Variants in GRM5 observed in about 807,000 individuals in gnomAD.
The protein encoded by GRM5 is metabotropic glutamate receptor 5.
GRM5 carries 19 observed loss-of-function variants against 83.1 expected under a neutral mutation model. That is an observed-to-expected ratio of 0.23 (90% CI 0.16 to 0.34). The LOEUF is 0.34. Ranked by LOEUF, GRM5 falls within the 10% of genes least tolerant of loss-of-function variation. GRM5 has a pLI of 1.00. For missense variants in GRM5, 1,160 were observed against 1,588.3 expected (o/e 0.73, Z 4.58); for synonymous variants, 675 against 633.6 (o/e 1.07, Z -0.98).
Position 88,882,560 on chromosome 11 carries a change from CA to C in GRM5, c.662-32406del, listed in dbSNP as rs35899523. On this transcript the variant is annotated intron_variant, in intron 2 of 9. Coordinates refer to ENST00000305447, the MANE Select transcript of GRM5 (RefSeq NM_001143831.3). ...TGGGCAAAAGAGCGAGACTCTGTCT[CA>C]AAAAAAAAAAAAAGAATTGATAGAA... 7.8e-3 allele frequency among the ~76,000 whole-genome samples: 958 copies of C among 123,100 alleles called. 16 individuals are homozygous for C. The East Asian group carries it at 0.089, about 11-fold the overall frequency. 80.8% of individuals were successfully genotyped at this position (123,100 alleles called of 152,430 possible).
At chr11:88,556,615 A>G (rs1050473561) in intron 8 of GRM5, among the ~76,000 whole-genome samples, 1 of 152,044 alleles carries the variant, frequency 6.6e-6, no homozygotes, top group African/African-American at 2.4e-5. Context: ...GCCACCATGC[A>G]TGGCCCTGTG....
intron 3 of GRM5, among the ~76,000 whole-genome samples, chr11:88,836,182 A>C (rs763852919): frequency 6.6e-6 from 1 of 152,254 alleles, no homozygotes; most frequent in Non-Finnish European, 1.5e-5. Flanking sequence ...TCTCCTGTAA[A>C]GGGTCAGATA....
At chr11:88,531,607 A>C (rs150769) in intron 8 of GRM5, among the ~76,000 whole-genome samples, 1 of 152,008 alleles carries the variant, frequency 6.6e-6, no homozygotes, top group Admixed American at 6.5e-5. Context: ...TTCTCATAGA[A>C]ATTGCAGACT....
intron 3 of GRM5, among the ~76,000 whole-genome samples, chr11:88,708,857 A>G (rs10831302): frequency 0.018 from 2,700 of 152,182 alleles, 67 homozygotes; most frequent in East Asian, 0.098. Context: ...TAATTGGAAA[A>G]AAATTCCTAG....
At chr11:88,703,751 T>G (rs746524739) in intron 3 of GRM5, among the ~76,000 whole-genome samples, 3 of 152,070 alleles carry the variant, frequency 2.0e-5, no homozygotes, top group Non-Finnish European at 4.4e-5. Flanking sequence ...AGGATCAAAC[T>G]ATAATCATTA....
At chr11:88,529,389 A>C (rs927451575) in intron 8 of GRM5, among the ~76,000 whole-genome samples, 1 of 151,470 alleles carries the variant, frequency 6.6e-6, no homozygotes, top group African/African-American at 2.4e-5. Flanking sequence ...GATACGTAAG[A>C]CAAATCTGAA....
chr11:88,970,792 C>T (rs1435229202), intron 2 of GRM5, among the ~76,000 whole-genome samples: 3 of 152,230 alleles, frequency 2.0e-5, no homozygotes, highest in Middle Eastern at 3.4e-3. Context: ...AATATGTAGG[C>T]AGTGGGAAGT....
chr11:88,600,786 A>G (rs1937965122), intron 5 of GRM5, among the ~76,000 whole-genome samples: 1 of 152,218 alleles, frequency 6.6e-6, no homozygotes, highest in Non-Finnish European at 1.5e-5. Flanking sequence ...AGAAGACTGA[A>G]GAGTATTACT....
chr11:88,751,056 C>G (rs550358813), intron 3 of GRM5, among the ~76,000 whole-genome samples: 1 of 63,216 alleles, frequency 1.6e-5, no homozygotes, highest in African/African-American at 5.4e-5. Flanking sequence ...AAACAAACCC[C>G]AAAGATAGCA....
At chr11:88,650,334 T>C (rs139342439) in intron 4 of GRM5, among the ~76,000 whole-genome samples, 47 of 152,050 alleles carry the variant, frequency 3.1e-4, no homozygotes, top group Admixed American at 8.5e-4. Context: ...GTCCATACTA[T>C]ATGAGGAATT....
At chr11:88,536,283 C>A (rs534648847) in intron 8 of GRM5, among the ~76,000 whole-genome samples, 124 of 152,202 alleles carry the variant, frequency 8.1e-4, no homozygotes, top group African/African-American at 2.8e-3. Flanking sequence ...GTCACACACA[C>A]AAAAAAGAAA....
At chr11:88,634,784 A>T (rs1466124905) in intron 4 of GRM5, among the ~76,000 whole-genome samples, 1 of 152,196 alleles carries the variant, frequency 6.6e-6, no homozygotes, top group Non-Finnish European at 1.5e-5. Flanking sequence ...ATTATGTTGT[A>T]TACATAATTG....
intron 1 of GRM5, among the ~76,000 whole-genome samples, chr11:89,063,836 G>A (rs777773887): frequency 3.9e-5 from 6 of 152,210 alleles, no homozygotes; most frequent in Non-Finnish European, 5.9e-5. Context: ...GAATCTGGAT[G>A]GGTAGACCAG....
intron 2 of GRM5, among the ~76,000 whole-genome samples, chr11:89,032,332 A>AAT (rs1491417661): frequency 1.3e-5 from 2 of 152,030 alleles, no homozygotes; most frequent in African/African-American, 2.4e-5. Context: ...AAAAGCATAT[A>AAT]ATATATATAC....
intron 2 of GRM5, among the ~76,000 whole-genome samples, chr11:88,864,577 A>T (rs1944627084): frequency 6.6e-6 from 1 of 151,994 alleles, no homozygotes; most frequent in South Asian, 2.1e-4. Flanking sequence ...TTGGGCTGAG[A>T]TGATAGGGTT....
intron 8 of GRM5, among the ~76,000 whole-genome samples, chr11:88,530,428 C>T (rs891149396): frequency 6.6e-6 from 1 of 151,916 alleles, no homozygotes; most frequent in Non-Finnish European, 1.5e-5. Context: ...TTTTGCTTAT[C>T]TTCTGTAAAG....
At chr11:88,681,570 T>TTTTTTTTTTTTTTTTTTTTTG (rs1940491131) in intron 3 of GRM5, among the ~76,000 whole-genome samples, 1 of 77,124 alleles carries the variant, frequency 1.3e-5, no homozygotes, top group Non-Finnish European at 2.5e-5. Flanking sequence ...TCTTCCTTTT[T>TTTTTTTTTTTTTTTTTTTTTG]TTTTTTTTTT....
At chr11:88,937,110 A>T (rs606323) in intron 2 of GRM5, among the ~76,000 whole-genome samples, 148,807 of 151,668 alleles carry the variant, frequency 0.98, 73,064 homozygotes, top group East Asian at 1. Flanking sequence ...ATCTATAACA[A>T]GTTCATTTGA....
intron 2 of GRM5, among the ~76,000 whole-genome samples, chr11:88,899,917 G>A (rs1945289293): frequency 6.6e-6 from 1 of 152,046 alleles, no homozygotes; most frequent in Non-Finnish European, 1.5e-5. Flanking sequence ...CGAAATTTGA[G>A]TTTGATTCAC....
Sources: gnomAD v4.1 joint callset for allele counts (sites outside exome capture counted in the v4.1 genomes callset) on GRCh38, gnomAD v4.1.1 for gene constraint, MANE v1.5 for transcripts, NCBI Gene and HGNC (gene_info 2026-07-23, HGNC 2026-07-21) for gene names.